The following ARHGEF18 variants were observed in gnomAD, a reference collection of about 807,000 sequenced individuals.
ARHGEF18 encodes the protein Rho/Rac guanine nucleotide exchange factor 18.
In ARHGEF18, 93 loss-of-function variants were observed where a neutral mutation model predicts 155.7. The ratio of observed to expected loss-of-function variants is 0.60; its 90% CI spans 0.50 to 0.71. The LOEUF (loss-of-function observed/expected upper bound fraction) is 0.71. Ranked by LOEUF, ARHGEF18 falls within the 30% of genes least tolerant of loss-of-function variation. The pLI, the probability that ARHGEF18 is intolerant of heterozygous loss-of-function variation, is 0.00. For synonymous variants in ARHGEF18, 742 were observed against 753.1 expected (o/e 0.99, Z 0.24); for missense variants, 1,593 against 1,816.1 (o/e 0.88, Z 2.23).
intron 2 of ARHGEF18, among the ~76,000 whole-genome samples, chr19:7,368,136 T>G (rs1970027734): frequency 6.6e-6 from 1 of 151,904 alleles, no homozygotes; most frequent in South Asian, 2.1e-4. Context: ...GGACACATTA[T>G]GCTTTGGTGT....
rs139399600 is a variant in ARHGEF18, at chr19:7,405,341, C to A, written c.967+22138C>A. Among the ~76,000 whole-genome samples, 576 of 152,354 alleles carry A rather than the reference C, an allele frequency of 3.8e-3. 6 individuals carry two copies. The highest frequency in any genetic ancestry group is 0.012 in the African/African-American group (495 of 41,582). On this transcript the variant is annotated intron_variant, in intron 10 of 28. Coordinates refer to ENST00000668164, the MANE Select transcript of ARHGEF18 (RefSeq NM_001367823.1). Reference sequence around the variant, plus strand: ...TTCCACACCCTCCGTGGTCACGTGGCCTTCACCTGTGTGTGTGTTTCCCCT... The same window carrying A: ...TTCCACACCCTCCGTGGTCACGTGGACTTCACCTGTGTGTGTGTTTCCCCT...
chr19:7,464,714 G>C (rs756800623), intron 23 of ARHGEF18, 24 bp downstream of exon 23: 2 of 1,613,298 alleles, frequency 1.2e-6, no homozygotes, highest in Non-Finnish European at 1.7e-6. Context: ...CATTTGCTCG[G>C]TACAGTCTGA....
intron 3 of ARHGEF18, 135 bp from the exon 4 acceptor site, chr19:7,375,584 CT>C: frequency 1.1e-6 from 1 of 886,322 alleles, no homozygotes; most frequent in Non-Finnish European, 1.5e-6. Flanking sequence ...GTCTGGACCC[CT>C]TTCTGTGGCT....
At position 7,471,094 on chromosome 19, in the gene ARHGEF18, G is replaced by T. The variant is rs959979892; in HGVS notation, c.*796G>T. 9.2e-6 allele frequency: 3 copies of T among 326,858 alleles called. No individual in the cohort carries two copies. The highest frequency in any genetic ancestry group is 1.7e-5 in the Non-Finnish European group (3 of 181,176). 20.2% of individuals were successfully genotyped at this position (326,858 alleles called of 1,614,324 possible). ...TGCTGTTCACACGCTCAGCCTGTCT[G>T]GGGGAGCGGGCCTCTAGCTTCAGCC... On this transcript the variant is annotated 3_prime_UTR_variant, in exon 29 of 29. Transcript: ENST00000668164. The surrounding 1 kb of genome is among the most constrained non-coding windows in gnomAD (Gnocchi z 4.4).
In ARHGEF18 at chr19:7,462,190, C is replaced by T; in HGVS notation, c.2491C>T (p.Leu831Phe). ...GAAAGACCAGCTGATCGCACAGAGCCTCCTAGAGAAACAGCAGATCTACCT... is the reference window on the plus strand; with the variant it reads ...GAAAGACCAGCTGATCGCACAGAGCTTCCTAGAGAAACAGCAGATCTACCT... ...SMKDQLIAQSLLEKQQIYLEM... is the reference protein window; with the variant it reads ...SMKDQLIAQSFLEKQQIYLEM... The change falls in exon 21 of 29, where the codon CTC becomes TTC. Residue 831 changes from leucine (L) to phenylalanine (F), a missense_variant. Transcript: ENST00000668164. This position sits in a 1 kb window ranked among gnomAD's most constrained non-coding sequence, Gnocchi z 4.4. 6.2e-7 allele frequency: 1 copy of T among 1,614,020 alleles called. No homozygotes were observed.
chr19:7,403,762 C>G (rs896461778), intron 10 of ARHGEF18, among the ~76,000 whole-genome samples: 4 of 151,256 alleles, frequency 2.6e-5, no homozygotes, highest in Non-Finnish European at 5.9e-5. Context: ...GTCTTGAACT[C>G]CTTGGCTCAA....
chr19:7,423,301 A>G (rs1000027477), intron 10 of ARHGEF18, among the ~76,000 whole-genome samples: 2 of 152,094 alleles, frequency 1.3e-5, no homozygotes, highest in African/African-American at 4.8e-5. Flanking sequence ...CTCTGTTCTC[A>G]GATTCTTGAG....
downstream of ARHGEF18, among the ~76,000 whole-genome samples, chr19:7,474,915 C>T (rs932284115): frequency 2.0e-5 from 3 of 151,998 alleles, no homozygotes; most frequent in East Asian, 5.8e-4. Context: ...CTTGGAGGCA[C>T]CCTAAAATGA....
chr19:7,431,343 C>A (rs996692712), intron 10 of ARHGEF18, among the ~76,000 whole-genome samples: 1 of 151,640 alleles, frequency 6.6e-6, no homozygotes, highest in African/African-American at 2.4e-5. Context: ...ATGGTAAAAC[C>A]CCGTCTCTAC....
In ARHGEF18 at chr19:7,382,822, G is replaced by T; in HGVS notation, c.753G>T (p.Lys251Asn). The T allele has an allele frequency of 1.6e-6, 2 of 1,232,548 alleles. No individual in the cohort carries two copies. Among genetic ancestry groups the T allele is most frequent in the Non-Finnish European group, 2.0e-6 (2 of 988,088 alleles). 76.4% of individuals were successfully genotyped at this position (1,232,548 alleles called of 1,614,324 possible). ...AGGACGGTGCTGGCAAGAACGAGAA[G>T]AGTGACAAGAGTACCAGTGTGAAGC... is the stretch of plus-strand genomic sequence containing the variant. The part of the protein sequence containing the change: ...ESEDGAGKNE[K>N]SDKSTSVKRR... Residue 251 changes from lysine (K) to asparagine (N), a missense_variant, in exon 9 of 29, where the codon AAG (lysine) becomes AAT (asparagine). Transcript: ENST00000668164.
At position 7,378,434 on chromosome 19, in the gene ARHGEF18, T is replaced by G. The variant is rs756396978; in HGVS notation, c.582T>G (p.His194Gln). The change falls in exon 6 of 29, where the codon CAT (histidine) becomes CAG (glutamine). Residue 194 changes from histidine to glutamine, a missense_variant. By Grantham distance (24) the His-to-Gln change is conservative (BLOSUM62 0). Transcript: ENST00000668164. The part of the protein sequence containing the change: ...PPVLECMEKD[H>Q]VEPDHVLIVQ... ...TGCTGGAGTGCATGGAAAAAGACCA[T>G]GTGGAACCAGATCACGTGTGAGTTT... 1 of 1,234,140 alleles carries G rather than the reference T, an allele frequency of 8.1e-7. No homozygotes were observed. The highest frequency in any genetic ancestry group is 1.0e-6 in the Non-Finnish European group (1 of 988,178). 76.4% of individuals were successfully genotyped at this position (1,234,140 alleles called of 1,614,324 possible).
At chr19:7,459,359 T>G (rs552558688) in intron 19 of ARHGEF18, among the ~76,000 whole-genome samples, 25 of 152,304 alleles carry the variant, frequency 1.6e-4, no homozygotes, top group Non-Finnish European at 3.2e-4. Context: ...TAGCTTGAAC[T>G]ACAGGCATAC....
intron 3 of ARHGEF18, among the ~76,000 whole-genome samples, chr19:7,373,831 G>A (rs932404811): frequency 6.9e-6 from 1 of 144,458 alleles, no homozygotes; most frequent in African/African-American, 2.7e-5. Flanking sequence ...TCACAATACA[G>A]TTCCCGCTCC....
At chr19:7,423,185 A>G (rs1251739953) in intron 10 of ARHGEF18, among the ~76,000 whole-genome samples, 2 of 152,006 alleles carry the variant, frequency 1.3e-5, no homozygotes, top group Admixed American at 6.6e-5. Context: ...TACTGAGCCC[A>G]TTTGCACGGT....
rs142302368 is a variant in ARHGEF18 at position 7,439,700 on chromosome 19, C to G, written c.968-644C>G. 1.0e-4 allele frequency: 128 copies of G among 1,255,232 alleles called. No homozygotes were observed. In the East Asian group the frequency reaches 2.7e-3, roughly 26 times the overall value. 77.8% of individuals were successfully genotyped at this position (1,255,232 alleles called of 1,614,324 possible). ...ACCAGGGGCGGCTAAACACCATGCCCTGCCATCTCTGGGTCTTAGAGTCAC... is the reference window on the plus strand; with the variant it reads ...ACCAGGGGCGGCTAAACACCATGCCGTGCCATCTCTGGGTCTTAGAGTCAC... On this transcript the variant is annotated intron_variant, in intron 10 of 28. Coordinates refer to ENST00000668164, the MANE Select transcript of ARHGEF18 (RefSeq NM_001367823.1).
intron 10 of ARHGEF18, among the ~76,000 whole-genome samples, chr19:7,424,996 G>GAA (rs538094940): frequency 5.9e-5 from 8 of 136,588 alleles, no homozygotes; most frequent in Non-Finnish European, 1.1e-4. Context: ...ACGTCTCGGG[G>GAA]AAAAAAAAAA....
chr19:7,434,645 C>A (rs1974153219), intron 10 of ARHGEF18, among the ~76,000 whole-genome samples: 1 of 152,188 alleles, frequency 6.6e-6, no homozygotes. Flanking sequence ...GTAGGAAAAA[C>A]CGTAGCAGGA....
chr19:7,457,281 CTT>C (rs1264033070), intron 18 of ARHGEF18, among the ~76,000 whole-genome samples: 1 of 149,284 alleles, frequency 6.7e-6, no homozygotes, highest in African/African-American at 2.5e-5. Context: ...CTAATCTCCT[CTT>C]GTTAGAAGGA....
At chr19:7,413,309 C>CT (rs955840122) in intron 10 of ARHGEF18, among the ~76,000 whole-genome samples, 41 of 119,324 alleles carry the variant, frequency 3.4e-4, no homozygotes, top group East Asian at 1.0e-3. Flanking sequence ...TTTTTTTTTT[C>CT]TTTTTTTTTT....
Sources: allele counts gnomAD v4.1 joint callset (sites outside exome capture counted in the v4.1 genomes callset), GRCh38; gene constraint gnomAD v4.1.1; non-coding constraint Gnocchi (gnomAD v3.1); transcripts MANE v1.5; gene names NCBI Gene and HGNC (gene_info 2026-07-23, HGNC 2026-07-21).